F11R: variants seen among roughly 807,000 people sequenced by gnomAD.
The protein encoded by F11R is junctional adhesion molecule A.
F11R carries 27 observed loss-of-function variants against 39.3 expected under a neutral mutation model. The ratio of observed to expected loss-of-function variants is 0.69; its 90% CI spans 0.51 to 0.95. The LOEUF is 0.95. F11R is among the 40% of genes least tolerant of loss of function. The pLI is 0.00. For synonymous variants in F11R, 131 were observed against 144.9 expected, an observed-to-expected ratio of 0.90 and a Z score of 0.69; for missense variants, 335 against 372.7, an observed-to-expected ratio of 0.90 and a Z score of 0.83.
chr1:161,015,224 G>A (rs554000817), intron 1 of F11R, among the ~76,000 whole-genome samples: 3 of 149,854 alleles, frequency 2.0e-5, no homozygotes, highest in African/African-American at 4.9e-5. Flanking sequence ...GTGAAACCCC[G>A]TCTCTACTAA....
At position 160,999,754 on chromosome 1, in the gene F11R, G is replaced by T; in HGVS notation, c.695-7C>A. 6.2e-7 allele frequency: 1 copy of T among 1,613,874 alleles called. No homozygotes were observed. Among genetic ancestry groups the T allele is most frequent in the African/African-American group, 1.3e-5 (1 of 75,034 alleles). ...ACCCCCACATTCCGCTCCACTGCGA[G>T]ACACAAATAAGAAGTCAGGCACGGG... On this transcript the variant is annotated splice_polypyrimidine_tract_variant and splice_region_variant and intron_variant, in intron 6 of 9. Transcript: ENST00000368026.
rs762957944 is a variant in F11R, at chr1:161,021,108, G to A, written c.-35C>T. On this transcript the variant is annotated 5_prime_UTR_variant, in exon 1 of 10. Transcript: ENST00000368026. ...GCTCCCGACACAACAGCCGCCGAAG[G>A]ACTCCTGGGAACAGACACAGCTCCG... The A allele has an allele frequency of 5.0e-6, 8 of 1,589,766 alleles. No homozygotes were observed. The highest frequency in any genetic ancestry group is 1.1e-5 in the South Asian group (1 of 90,456).
intron 1 of F11R, among the ~76,000 whole-genome samples, chr1:161,004,833 C>T (rs997722575): frequency 4.6e-5 from 7 of 151,954 alleles, no homozygotes; most frequent in African/African-American, 7.3e-5. Flanking sequence ...TTTGCCATTA[C>T]ATTTTTAATG....
chr1:161,000,859 C>T, intron 3 of F11R, 82 bp from the exon 4 acceptor site: 7 of 1,561,570 alleles, frequency 4.5e-6, no homozygotes, highest in Non-Finnish European at 6.2e-6. Flanking sequence ...CCAAGGTACG[C>T]AAGTGCTCTC....
At chr1:161,020,005 C>G (rs920800421) in intron 1 of F11R, among the ~76,000 whole-genome samples, 3 of 152,036 alleles carry the variant, frequency 2.0e-5, no homozygotes, top group Non-Finnish European at 4.4e-5. Flanking sequence ...AAACAAGAAC[C>G]TTGGGGGTGG....
In F11R at chr1:160,999,925, C is replaced by A; in HGVS notation, c.645G>T (p.Arg215=). 1 of 1,614,232 alleles carries A rather than the reference C, an allele frequency of 6.2e-7. No homozygotes were observed. The highest frequency in any genetic ancestry group is 8.5e-7 in the Non-Finnish European group (1 of 1,180,036). The change falls in exon 6 of 10, where the codon CGG becomes CGT. Residue 215 remains arginine (R), a synonymous_variant. Transcript: ENST00000368026. ...AAGTCATGGGTGTCCCATACCCATTCCGTGCCTCACAGCTGTATTCTCCAG... is the reference window on the plus strand; with the variant it reads ...AAGTCATGGGTGTCCCATACCCATTACGTGCCTCACAGCTGTATTCTCCAG... The part of the protein sequence containing the change: ...SDTGEYSCEA[R]NGYGTPMTSN...
chr1:161,014,227 C>G (rs1649327135), intron 1 of F11R, among the ~76,000 whole-genome samples: 1 of 152,124 alleles, frequency 6.6e-6, no homozygotes, highest in Non-Finnish European at 1.5e-5. Flanking sequence ...CTAGTCAAAC[C>G]TAACAGATGT....
chr1:161,016,705 C>T (rs1428403340), intron 1 of F11R, among the ~76,000 whole-genome samples: 1 of 151,976 alleles, frequency 6.6e-6, no homozygotes, highest in African/African-American at 2.4e-5. Context: ...CTAAAGGACA[C>T]TGAAATTCCA....
At chr1:161,007,001 T>TA (rs1326575110) in intron 1 of F11R, among the ~76,000 whole-genome samples, 1 of 151,850 alleles carries the variant, frequency 6.6e-6, no homozygotes, top group Non-Finnish European at 1.5e-5. Context: ...CCGTCTCTAC[T>TA]AAAAAATATA....
intron 1 of F11R, among the ~76,000 whole-genome samples, chr1:161,015,407 A>ATATAT (rs1553211260): frequency 1.2e-4 from 16 of 136,168 alleles, no homozygotes; most frequent in South Asian, 6.9e-4. Flanking sequence ...CAAAAAAAAA[A>ATATAT]ATATATATAT....
Position 160,999,052 on chromosome 1 carries a change from G to A in F11R, c.855C>T (p.Ala285=), listed in dbSNP as rs1324056727. 3.1e-6 allele frequency: 5 copies of A among 1,614,174 alleles called. No homozygotes were observed. The highest frequency in any genetic ancestry group is 4.2e-6 in the Non-Finnish European group (5 of 1,180,034). Residue 285 remains alanine, a synonymous_variant, in exon 9 of 10, where the codon GCC becomes GCT. Coordinates refer to ENST00000368026, the MANE Select transcript of F11R (RefSeq NM_016946.6). ...SKKVIYSQPS[A]RSEGEFKQTS... Reference sequence around the variant, plus strand: ...GGGGAGGCATACTCACTTCACTTCGGGCACTAGGCTGGCTGTAAATCACCT... The same window carrying A: ...GGGGAGGCATACTCACTTCACTTCGAGCACTAGGCTGGCTGTAAATCACCT...
At chr1:161,008,750 A>G (rs1194477707) in intron 1 of F11R, among the ~76,000 whole-genome samples, 2 of 152,268 alleles carry the variant, frequency 1.3e-5, no homozygotes, top group African/African-American at 4.8e-5. Context: ...ATTCACACCA[A>G]TGCAGTCCAA....
intron 1 of F11R, among the ~76,000 whole-genome samples, chr1:161,003,121 G>GTTT (rs1240695928): frequency 0.011 from 674 of 61,584 alleles, 11 homozygotes; most frequent in African/African-American, 0.025. Context: ...GCTAATTTTT[G>GTTT]TATTTTTTTT....
At chr1:161,004,214 G>C (rs1648668140) in intron 1 of F11R, among the ~76,000 whole-genome samples, 1 of 152,022 alleles carries the variant, frequency 6.6e-6, no homozygotes, top group Non-Finnish European at 1.5e-5. Context: ...CCAAAGTGCT[G>C]GGATTACAGA....
At chr1:160,999,508 G>A in intron 7 of F11R, 100 bp from the exon 8 acceptor site, 3 of 1,561,738 alleles carry the variant, frequency 1.9e-6, no homozygotes, top group South Asian at 1.1e-5. Context: ...TGTTAGATGG[G>A]TGATCAGTGT....
intron 1 of F11R, among the ~76,000 whole-genome samples, chr1:161,018,381 A>C (rs1351077267): frequency 6.6e-6 from 1 of 152,186 alleles, no homozygotes; most frequent in East Asian, 1.9e-4. Flanking sequence ...ACAGTGGACA[A>C]GCTAGACACC....
chr1:161,015,495 G>A (rs1398472181), intron 1 of F11R, among the ~76,000 whole-genome samples: 9 of 150,692 alleles, frequency 6.0e-5, no homozygotes, highest in African/African-American at 2.2e-4. Context: ...GGAGGCTGAG[G>A]CAGGAGAATC....
Position 161,019,658 on chromosome 1 carries a change from G to A in F11R, c.64+1352C>T, listed in dbSNP as rs902529754. ...AGCTAGTGGGAAAGTAAGTTTAAAG[G>A]TAAGTAAGACAGTAGATTCTGAAGC... On this transcript the variant is annotated intron_variant, in intron 1 of 9. Coordinates refer to ENST00000368026, the MANE Select transcript of F11R (RefSeq NM_016946.6). 2.6e-5 allele frequency among the ~76,000 whole-genome samples: 4 copies of A among 152,082 alleles called. No homozygotes were observed. In the South Asian group the frequency reaches 6.2e-4, roughly 24 times the overall value.
At chr1:161,009,577 C>T (rs543975553) in intron 1 of F11R, among the ~76,000 whole-genome samples, 1 of 152,182 alleles carries the variant, frequency 6.6e-6, no homozygotes, top group African/African-American at 2.4e-5. Flanking sequence ...ACAACTGTGG[C>T]AAATAGTATT....
Sources: allele counts gnomAD v4.1 joint callset (sites outside exome capture counted in the v4.1 genomes callset), GRCh38; gene constraint gnomAD v4.1.1; transcripts MANE v1.5; gene names NCBI Gene and HGNC (gene_info 2026-07-23, HGNC 2026-07-21).